Variants in PAH observed in about 807,000 individuals in gnomAD.
The protein encoded by PAH is phenylalanine hydroxylase.
In PAH, 64 loss-of-function variants were observed where a neutral mutation model predicts 62.0. The observed-to-expected ratio is 1.03, with a 90% CI of 0.84 to 1.27. The LOEUF (loss-of-function observed/expected upper bound fraction) is 1.27, where lower values mean the gene tolerates loss of function less well. PAH is among the 50% of genes most tolerant of loss of function. The pLI, the probability that PAH is intolerant of heterozygous loss-of-function variation, is 0.00. For synonymous variants in PAH, 195 were observed against 196.2 expected, an observed-to-expected ratio of 0.99 and a Z score of 0.05; for missense variants, 579 against 542.8, an observed-to-expected ratio of 1.07 and a Z score of -0.66.
chr12:102,854,968 G>C, intron 6 of PAH, 168 bp downstream of exon 6: 1 of 697,084 alleles, frequency 1.4e-6, no homozygotes. Context: ...CTGGAGGGAA[G>C]GCAGAGCACA....
intron 1 of PAH, among the ~76,000 whole-genome samples, chr12:102,916,339 C>A (rs1056210363): frequency 1.3e-5 from 2 of 152,170 alleles, no homozygotes; most frequent in African/African-American, 4.8e-5. Context: ...ATGACTGAAT[C>A]TCAAGAGTCC....
intron 5 of PAH, among the ~76,000 whole-genome samples, chr12:102,864,235 C>G (rs1006603160): frequency 6.6e-6 from 1 of 152,094 alleles, no homozygotes; most frequent in Non-Finnish European, 1.5e-5. Context: ...GAGAAGGTGA[C>G]ATCTAAATGA....
At chr12:102,882,642 C>CTA (rs869088873) in intron 3 of PAH, among the ~76,000 whole-genome samples, 2,906 of 85,630 alleles carry the variant, frequency 0.034, 51 homozygotes, top group East Asian at 0.064. Flanking sequence ...TATATATACA[C>CTA]TATATATATA....
chr12:102,897,038 C>T (rs558558190), intron 2 of PAH, among the ~76,000 whole-genome samples: 5 of 152,250 alleles, frequency 3.3e-5, no homozygotes, highest in South Asian at 4.1e-4. Flanking sequence ...CTAGAAATAA[C>T]GGTCAGCAAT....
chr12:102,879,498 A>G (rs1377699001), intron 3 of PAH, among the ~76,000 whole-genome samples: 1 of 151,832 alleles, frequency 6.6e-6, no homozygotes, highest in African/African-American at 2.4e-5. Context: ...GCAGTTCATA[A>G]AGGTCCATTT....
upstream of PAH, among the ~76,000 whole-genome samples, chr12:102,919,754 C>T (rs1028664966): frequency 2.0e-5 from 3 of 152,106 alleles, no homozygotes; most frequent in African/African-American, 7.2e-5. Context: ...CCAGTTCTGT[C>T]CATGTTATTG....
chr12:102,918,647 T>C (rs146413580), upstream of PAH, among the ~76,000 whole-genome samples: 322 of 152,002 alleles, frequency 2.1e-3, 2 homozygotes, highest in African/African-American at 7.1e-3. Context: ...GCCTTTATGA[T>C]GTGCCAGGCT....
intron 1 of PAH, among the ~76,000 whole-genome samples, chr12:102,942,402 G>A (rs571770979): frequency 1.6e-4 from 24 of 152,110 alleles, no homozygotes; most frequent in Non-Finnish European, 3.4e-4. Flanking sequence ...ACAAAACACT[G>A]CTGAAAGAAA....
At chr12:102,840,621 T>A in intron 11 of PAH, 106 bp from the exon 12 acceptor site, 1 of 794,926 alleles carries the variant, frequency 1.3e-6, no homozygotes, top group South Asian at 1.4e-5. Flanking sequence ...CACGGACACC[T>A]CCCTAGAGCA....
intron 7 of PAH, chr12:102,852,400 C>G (rs928871253): frequency 4.1e-6 from 1 of 242,024 alleles, no homozygotes; most frequent in East Asian, 9.7e-5. Context: ...AAGTAAGAAG[C>G]ATAATGGCTG....
Position 102,851,682 on chromosome 12 carries a change from C to A in PAH, c.912+5G>T, listed in dbSNP as rs1391623472. On this transcript the variant is annotated splice_donor_5th_base_variant and intron_variant, in intron 8 of 12. Coordinates refer to ENST00000553106, the MANE Select transcript of PAH (RefSeq NM_000277.3). ...AACTAGAAGGCTAAAAAATCCATTCCTTACCTGGGAAAACTGGGCAAAGCT... is the reference window on the plus strand; with the variant it reads ...AACTAGAAGGCTAAAAAATCCATTCATTACCTGGGAAAACTGGGCAAAGCT... The A allele has an allele frequency of 1.2e-6, 2 of 1,613,382 alleles. No individual in the cohort carries two copies. The highest frequency in any genetic ancestry group is 4.5e-5 in the East Asian group (2 of 44,856).
intron 3 of PAH, among the ~76,000 whole-genome samples, chr12:102,892,539 A>T (rs924946656): frequency 3.7e-4 from 56 of 152,264 alleles, no homozygotes; most frequent in African/African-American, 1.2e-3. Context: ...AGCAACCAAG[A>T]TGTCCTTCAA....
chr12:102,868,190 A>G lies in PAH; in HGVS notation c.442-1527T>C, dbSNP rs1159515379. 4.9e-4 allele frequency among the ~76,000 whole-genome samples: 53 copies of G among 107,244 alleles called. 6 individuals are homozygous for G. The highest frequency in any genetic ancestry group is 2.0e-3 in the African/African-American group (50 of 25,022). 70.4% of individuals were successfully genotyped at this position (107,244 alleles called of 152,430 possible). On this transcript the variant is annotated intron_variant, in intron 4 of 12. Coordinates refer to ENST00000553106, the MANE Select transcript of PAH (RefSeq NM_000277.3). ...TACATATATGTGTATATATATATAT[A>G]TATATATATATATATCAGGGCCTAC...
chr12:102,888,432 G>C (rs563291137), intron 3 of PAH, among the ~76,000 whole-genome samples: 65 of 151,724 alleles, frequency 4.3e-4, no homozygotes, highest in African/African-American at 1.5e-3. Context: ...TAATGCGAAA[G>C]AATTTGGAAA....
At chr12:102,877,413 G>A (rs756040584) in intron 4 of PAH, 49 bp downstream of exon 4, 5 of 1,247,724 alleles carry the variant, frequency 4.0e-6, no homozygotes, top group Non-Finnish European at 5.9e-6. Context: ...AGGGAGGGGA[G>A]TGGAGGAGAG....
At chr12:102,853,107 T>C (rs1001410176) in intron 6 of PAH, 157 bp from the exon 7 acceptor site, 1 of 746,306 alleles carries the variant, frequency 1.3e-6, no homozygotes, top group Non-Finnish European at 2.3e-6. Context: ...CGCTGCTTTC[T>C]AGCTAGGTGA....
chr12:102,840,375 G>A, intron 12 of PAH, 25 bp downstream of exon 12: 1 of 1,360,256 alleles, frequency 7.4e-7, no homozygotes, highest in South Asian at 1.2e-5. Context: ...AAACCGAGTG[G>A]CCTCGTAAGG....
At chr12:102,936,856 A>T (rs1302396267) in intron 1 of PAH, among the ~76,000 whole-genome samples, 5 of 152,028 alleles carry the variant, frequency 3.3e-5, no homozygotes. Flanking sequence ...TTTTGATTGG[A>T]GAGTGATATG....
At chr12:102,908,178 C>T (rs1385216812) in intron 2 of PAH, among the ~76,000 whole-genome samples, 1 of 151,902 alleles carries the variant, frequency 6.6e-6, no homozygotes, top group African/African-American at 2.4e-5. Context: ...CCAGAGTTCA[C>T]ATACATGCAT....
Sources: allele counts gnomAD v4.1 joint callset (sites outside exome capture counted in the v4.1 genomes callset), GRCh38; gene constraint gnomAD v4.1.1; transcripts MANE v1.5; gene names NCBI Gene and HGNC (gene_info 2026-07-23, HGNC 2026-07-21).